Variants in RSPO2 observed in about 807,000 individuals in gnomAD.
RSPO2 encodes the protein R-spondin-2.
Under a neutral mutation model 30.9 loss-of-function variants are expected in RSPO2, and 14 were observed. The observed-to-expected ratio is 0.45, with a 90% confidence interval of 0.30 to 0.71. The LOEUF is 0.71. Ranked by LOEUF, RSPO2 falls within the 30% of genes least tolerant of loss-of-function variation. RSPO2 has a pLI of 0.08. For synonymous variants in RSPO2, 107 were observed against 96.4 expected (o/e 1.11, Z -0.64); for missense variants, 264 against 301.9 (o/e 0.87, Z 0.93).
chr8:107,916,315 G>A (rs1185180252), intron 5 of RSPO2, among the ~76,000 whole-genome samples: 2 of 152,122 alleles, frequency 1.3e-5, no homozygotes. Context: ...GATTCTAGAT[G>A]AGGCCTGAGG....
rs773128595 is a variant in RSPO2 at position 107,900,976 on chromosome 8, A to G, written c.*99T>C. Reference sequence around the variant, plus strand: ...GTTACTGGGAACAGATACTGGGCAGAGCAGCACAAAGGCTGCACACCAGTG... The same window carrying G: ...GTTACTGGGAACAGATACTGGGCAGGGCAGCACAAAGGCTGCACACCAGTG... On this transcript the variant is annotated 3_prime_UTR_variant, in exon 6 of 6. Coordinates refer to ENST00000276659, the MANE Select transcript of RSPO2 (RefSeq NM_178565.5). The G allele has an allele frequency of 2.6e-5, 33 of 1,271,278 alleles. No individual in the cohort carries two copies. The highest frequency in any genetic ancestry group is 3.6e-5 in the Non-Finnish European group (33 of 906,172). 78.7% of individuals were successfully genotyped at this position (1,271,278 alleles called of 1,614,324 possible).
At chr8:107,953,593 C>G (rs1470145106) in intron 5 of RSPO2, among the ~76,000 whole-genome samples, 1 of 152,066 alleles carries the variant, frequency 6.6e-6, no homozygotes, top group East Asian at 1.9e-4. Context: ...GTTGGACAAC[C>G]ATGGCTTTAT....
At chr8:107,906,953 TAA>T (rs1028264680) in intron 5 of RSPO2, among the ~76,000 whole-genome samples, 17 of 151,968 alleles carry the variant, frequency 1.1e-4, no homozygotes, top group African/African-American at 1.4e-4. Flanking sequence ...TTTTCAAATA[TAA>T]GAGTTATATA....
intron 5 of RSPO2, among the ~76,000 whole-genome samples, chr8:107,927,566 G>A (rs1162063315): frequency 2.0e-5 from 3 of 152,052 alleles, no homozygotes; most frequent in Non-Finnish European, 2.9e-5. Flanking sequence ...TTTGAGATAC[G>A]TCCCATCAAT....
intron 3 of RSPO2, among the ~76,000 whole-genome samples, chr8:107,962,307 G>T (rs1417933536): frequency 6.6e-6 from 1 of 152,188 alleles, no homozygotes; most frequent in East Asian, 1.9e-4. Flanking sequence ...CATTAAAATA[G>T]ATCACATAAG....
At chr8:107,978,032 C>T (rs1463609037) in intron 3 of RSPO2, among the ~76,000 whole-genome samples, 5 of 151,990 alleles carry the variant, frequency 3.3e-5, no homozygotes, top group Non-Finnish European at 7.4e-5. Context: ...ACCTGAACTC[C>T]TTTTGCTATC....
intron 3 of RSPO2, among the ~76,000 whole-genome samples, chr8:107,964,850 C>G (rs891686974): frequency 6.6e-6 from 1 of 152,154 alleles, no homozygotes; most frequent in African/African-American, 2.4e-5. Flanking sequence ...GTAAAACATT[C>G]TCATTATAAG....
chr8:108,069,325 T>A (rs1239298062), intron 2 of RSPO2, among the ~76,000 whole-genome samples: 1 of 152,120 alleles, frequency 6.6e-6, no homozygotes, highest in Non-Finnish European at 1.5e-5. Context: ...GTGATTCTCC[T>A]GCCTCAGCCT....
At chr8:108,033,191 G>A (rs989544580) in intron 2 of RSPO2, among the ~76,000 whole-genome samples, 29 of 151,786 alleles carry the variant, frequency 1.9e-4, no homozygotes, top group African/African-American at 3.6e-4. Context: ...GTAAGCCACC[G>A]TGCCCAGTCT....
chr8:107,909,159 A>C (rs1811743159), intron 5 of RSPO2, among the ~76,000 whole-genome samples: 1 of 152,150 alleles, frequency 6.6e-6, no homozygotes, highest in Admixed American at 6.5e-5. Context: ...GAAGCACAGA[A>C]GATCTAGAGT....
chr8:107,947,638 G>T (rs1350379189), intron 5 of RSPO2, among the ~76,000 whole-genome samples: 1 of 152,170 alleles, frequency 6.6e-6, no homozygotes, highest in Non-Finnish European at 1.5e-5. Flanking sequence ...TCTGTTTAAT[G>T]CTCTGCCCTA....
intron 3 of RSPO2, among the ~76,000 whole-genome samples, chr8:107,966,631 T>C (rs1813817168): frequency 6.6e-6 from 1 of 152,160 alleles, no homozygotes; most frequent in South Asian, 2.1e-4. Context: ...ATCATGCAAC[T>C]ATCCTCTCTT....
At chr8:108,081,071 T>A (rs2130741003) in intron 2 of RSPO2, among the ~76,000 whole-genome samples, 1 of 152,264 alleles carries the variant, frequency 6.6e-6, no homozygotes, top group Non-Finnish European at 1.5e-5. Context: ...GTAAAATAAT[T>A]TCTGAAAATA....
At chr8:107,999,486 G>T (rs1457035212) in intron 2 of RSPO2, among the ~76,000 whole-genome samples, 1 of 152,134 alleles carries the variant, frequency 6.6e-6, no homozygotes, top group Non-Finnish European at 1.5e-5. Flanking sequence ...CCAGGTTGGA[G>T]CGCAGTGGCA....
intron 2 of RSPO2, among the ~76,000 whole-genome samples, chr8:108,016,415 C>G (rs1810890505): frequency 6.6e-6 from 1 of 152,046 alleles, no homozygotes; most frequent in African/African-American, 2.4e-5. Context: ...TGCTGCAAGA[C>G]CAGCAATGCT....
chr8:108,078,939 C>T (rs536009658), intron 2 of RSPO2, among the ~76,000 whole-genome samples: 4 of 152,304 alleles, frequency 2.6e-5, no homozygotes, highest in South Asian at 4.1e-4. Context: ...TCATTACATG[C>T]CATGCTCCAG....
intron 5 of RSPO2, among the ~76,000 whole-genome samples, chr8:107,932,376 CT>C (rs1257739003): frequency 5.9e-5 from 9 of 151,966 alleles, no homozygotes; most frequent in African/African-American, 2.2e-4. Context: ...GTAATACCAC[CT>C]TCTAAAATAG....
At chr8:107,957,940 TACA>T in intron 5 of RSPO2, 137 bp downstream of exon 5, 1 of 578,334 alleles carries the variant, frequency 1.7e-6, no homozygotes, top group Non-Finnish European at 3.0e-6. Flanking sequence ...TTTAAATAAG[TACA>T]ACAAAACTTT....
intron 2 of RSPO2, among the ~76,000 whole-genome samples, chr8:107,994,285 C>A (rs1814942474): frequency 6.6e-6 from 1 of 152,018 alleles, no homozygotes; most frequent in Non-Finnish European, 1.5e-5. Flanking sequence ...AAAAGTAAAG[C>A]ATATAAAGGC....
Sources: allele counts gnomAD v4.1 joint callset (sites outside exome capture counted in the v4.1 genomes callset), GRCh38; gene constraint gnomAD v4.1.1; transcripts MANE v1.5; gene names NCBI Gene and HGNC (gene_info 2026-07-23, HGNC 2026-07-21).